Variants in UVRAG observed in about 807,000 individuals in gnomAD.
The protein encoded by UVRAG is UV radiation resistance-associated gene protein.
A neutral mutation model predicts 78.0 loss-of-function variants in UVRAG; 19 were observed. The observed-to-expected ratio is 0.24, with a 90% CI of 0.17 to 0.36. The LOEUF (loss-of-function observed/expected upper bound fraction) is 0.36, where lower values mean the gene tolerates loss of function less well. Among genes scored for constraint, UVRAG ranks in the 10% least tolerant of loss-of-function variants. UVRAG has a pLI of 1.00. For missense variants in UVRAG, 740 were observed against 853.8 expected, an observed-to-expected ratio of 0.87 and a Z score of 1.66; for synonymous variants, 323 against 324.6, an observed-to-expected ratio of 1.00 and a Z score of 0.05.
intron 11 of UVRAG, among the ~76,000 whole-genome samples, chr11:76,014,319 A>G (rs549702992): frequency 5.3e-5 from 8 of 152,342 alleles, no homozygotes; most frequent in Admixed American, 2.0e-4. Flanking sequence ...CTTGCTTGAA[A>G]GGCTAATTTA....
At chr11:75,905,344 C>T (rs1947591523) in intron 5 of UVRAG, among the ~76,000 whole-genome samples, 1 of 152,152 alleles carries the variant, frequency 6.6e-6, no homozygotes, top group Non-Finnish European at 1.5e-5. Flanking sequence ...TTCAGTGGCT[C>T]TGGGTACATT....
chr11:76,119,059 A>G (rs1001492592), intron 14 of UVRAG, among the ~76,000 whole-genome samples: 1 of 151,904 alleles, frequency 6.6e-6, no homozygotes, highest in Admixed American at 6.6e-5. Context: ...TAGTTAACTC[A>G]CTCCAGTCTG....
At position 75,879,989 on chromosome 11, in the gene UVRAG, G is replaced by A; in HGVS notation, c.381G>A (p.Leu127=). Residue 127 remains leucine (L), a synonymous_variant, in exon 4 of 15, where the codon CTG becomes CTA. Coordinates refer to ENST00000356136, the MANE Select transcript of UVRAG (RefSeq NM_003369.4). Reference sequence around the variant, plus strand: ...GTGGAAAGGAGAACATCTACCAGCTGTTGATTGAATGGAAAGTCTGTTTGG... The same window carrying A: ...GTGGAAAGGAGAACATCTACCAGCTATTGATTGAATGGAAAGTCTGTTTGG... ...IWGGKENIYQ[L]LIEWKVCLDG... 6 of 1,614,168 alleles carry A rather than the reference G, an allele frequency of 3.7e-6. No homozygotes were observed. Among genetic ancestry groups the A allele is most frequent in the Non-Finnish European group, 5.1e-6 (6 of 1,180,016 alleles).
chr11:76,119,180 T>A (rs1952234260), intron 14 of UVRAG, among the ~76,000 whole-genome samples: 1 of 152,214 alleles, frequency 6.6e-6, no homozygotes, highest in African/African-American at 2.4e-5. Context: ...TCCTGTTCAG[T>A]GGCACCTGGC....
At chr11:75,990,308 G>C (rs1254612864) in intron 8 of UVRAG, among the ~76,000 whole-genome samples, 1 of 152,048 alleles carries the variant, frequency 6.6e-6, no homozygotes, top group African/African-American at 2.4e-5. Flanking sequence ...CTCTACAATG[G>C]GGTTAATAGT....
chr11:76,135,467 C>T (rs1381738392), intron 14 of UVRAG, among the ~76,000 whole-genome samples: 4 of 152,160 alleles, frequency 2.6e-5, no homozygotes, highest in East Asian at 1.9e-4. Context: ...TCTCCCTCAT[C>T]GTGCCATTGT....
intron 12 of UVRAG, among the ~76,000 whole-genome samples, chr11:76,062,455 C>T (rs1355017520): frequency 3.3e-5 from 5 of 152,088 alleles, no homozygotes; most frequent in African/African-American, 9.7e-5. Flanking sequence ...TCTCCTGTAA[C>T]GCATATACCA....
At chr11:76,117,888 T>TGA (rs1329618917) in intron 14 of UVRAG, among the ~76,000 whole-genome samples, 4 of 152,204 alleles carry the variant, frequency 2.6e-5, no homozygotes, top group African/African-American at 9.6e-5. Flanking sequence ...TGTTCCTTCA[T>TGA]AGGAACAGAA....
intron 12 of UVRAG, among the ~76,000 whole-genome samples, chr11:76,036,550 G>A (rs1340728202): frequency 6.6e-6 from 1 of 151,938 alleles, no homozygotes; most frequent in African/African-American, 2.4e-5. Context: ...CAAAAAAAAA[G>A]AAAATTAAAT....
intron 8 of UVRAG, 98 bp downstream of exon 8, chr11:75,983,611 C>T (rs868101159): frequency 7.2e-7 from 1 of 1,398,528 alleles, no homozygotes; most frequent in Non-Finnish European, 9.5e-7. Context: ...TGTGTAAATA[C>T]AGTCACACAT....
intron 13 of UVRAG, among the ~76,000 whole-genome samples, chr11:76,066,985 C>T (rs1022647280): frequency 5.9e-5 from 9 of 152,272 alleles, no homozygotes; most frequent in African/African-American, 1.9e-4. Context: ...ATGAACCTAA[C>T]GACTTGCTAA....
chr11:76,068,610 CT>C (rs1951242349), intron 13 of UVRAG, among the ~76,000 whole-genome samples: 2 of 152,100 alleles, frequency 1.3e-5, no homozygotes, highest in Non-Finnish European at 2.9e-5. Context: ...CAGTTAGAAA[CT>C]TTTAGAACAG....
chr11:75,843,959 A>G (rs1027534696), intron 1 of UVRAG, among the ~76,000 whole-genome samples: 4 of 142,860 alleles, frequency 2.8e-5, no homozygotes, highest in African/African-American at 1.0e-4. Context: ...ACGCCATCTA[A>G]AAAAAAAAAA....
rs1174926920 is a variant in UVRAG, at chr11:75,852,018, C to T, written c.235+18C>T. The T allele has an allele frequency of 5.4e-6, 8 of 1,482,208 alleles. No homozygotes were observed. The highest frequency in any genetic ancestry group is 6.5e-6 in the Non-Finnish European group (7 of 1,080,120). 91.8% of individuals were successfully genotyped at this position (1,482,208 alleles called of 1,614,324 possible). The stretch of plus-strand genomic sequence containing the variant: ...ATATAAAGGTAAGGGGATCTGTGGC[C>T]TTACTACCCACAGATTGTTATATTT... On this transcript the variant is annotated intron_variant, in intron 2 of 14. Transcript: ENST00000356136.
chr11:76,068,550 T>C (rs1402124502), intron 13 of UVRAG, among the ~76,000 whole-genome samples: 1 of 152,202 alleles, frequency 6.6e-6, no homozygotes, highest in Non-Finnish European at 1.5e-5. Context: ...GTAAACTTCT[T>C]AAAAACTGGC....
intron 8 of UVRAG, among the ~76,000 whole-genome samples, chr11:75,992,588 AAG>A (rs982768976): frequency 7.9e-5 from 12 of 152,118 alleles, no homozygotes; most frequent in Admixed American, 3.3e-4. Flanking sequence ...GGGAGTGGGA[AAG>A]AGGGGGATGG....
intron 12 of UVRAG, among the ~76,000 whole-genome samples, chr11:76,056,897 T>C: frequency 6.6e-6 from 1 of 152,194 alleles, no homozygotes; most frequent in East Asian, 1.9e-4. Flanking sequence ...GTGGTCTCTC[T>C]AAGGGTGATT....
chr11:76,109,459 C>G (rs1952031980), intron 13 of UVRAG, among the ~76,000 whole-genome samples: 1 of 152,202 alleles, frequency 6.6e-6, no homozygotes, highest in Admixed American at 6.5e-5. Context: ...AACTTCTATT[C>G]TCTGTAAAAT....
intron 12 of UVRAG, among the ~76,000 whole-genome samples, chr11:76,032,403 C>T (rs1293274915): frequency 2.0e-5 from 3 of 152,114 alleles, no homozygotes; most frequent in Non-Finnish European, 4.4e-5. Flanking sequence ...AGTTGCTTTT[C>T]TTCTCTAATT....
Sources: gnomAD v4.1 joint callset for allele counts (sites outside exome capture counted in the v4.1 genomes callset) on GRCh38, gnomAD v4.1.1 for gene constraint, MANE v1.5 for transcripts, NCBI Gene and HGNC (gene_info 2026-07-23, HGNC 2026-07-21) for gene names.